Variants in TFCP2 observed in about 807,000 individuals in gnomAD.
TFCP2 encodes alpha-globin transcription factor CP2.
TFCP2 carries 33 observed loss-of-function variants against 73.4 expected under a neutral mutation model. That is an observed-to-expected ratio of 0.45 (90% confidence interval 0.34 to 0.60). The LOEUF is 0.60. Among genes scored for constraint, TFCP2 ranks in the 20% least tolerant of loss-of-function variants. The pLI, the probability that TFCP2 is intolerant of heterozygous loss-of-function variation, is 0.01. For synonymous variants in TFCP2, 193 were observed against 211.6 expected, an observed-to-expected ratio of 0.91 and a Z score of 0.76; for missense variants, 352 against 604.0, an observed-to-expected ratio of 0.58 and a Z score of 4.37.
At chr12:51,120,957 C>A (rs1940653806) in intron 1 of TFCP2, among the ~76,000 whole-genome samples, 1 of 144,678 alleles carries the variant, frequency 6.9e-6, no homozygotes. Flanking sequence ...CATGTTAAAG[C>A]AAGGTGATGA....
Position 51,106,622 on chromosome 12 carries a change from A to G in TFCP2, c.829-9T>C. 6.2e-7 allele frequency: 1 copy of G among 1,611,500 alleles called. No individual in the cohort carries two copies. The highest frequency in any genetic ancestry group is 8.5e-7 in the Non-Finnish European group (1 of 1,178,234). ...TCGGGCCATGGAGAACACTAAAAACAAAGGATAAGTTAGATAATGAACGAG... is the reference window on the plus strand; with the variant it reads ...TCGGGCCATGGAGAACACTAAAAACGAAGGATAAGTTAGATAATGAACGAG... On this transcript the variant is annotated splice_polypyrimidine_tract_variant and intron_variant, in intron 7 of 14. Transcript: ENST00000257915.
intron 1 of TFCP2, among the ~76,000 whole-genome samples, chr12:51,147,943 A>G (rs1010443516): frequency 1.3e-5 from 2 of 151,968 alleles, no homozygotes; most frequent in Admixed American, 6.6e-5. Flanking sequence ...AATCAGCTAG[A>G]AAAAAAACAA....
At chr12:51,165,861 A>C (rs549565274) in intron 1 of TFCP2, among the ~76,000 whole-genome samples, 20 of 152,038 alleles carry the variant, frequency 1.3e-4, no homozygotes, top group Non-Finnish European at 2.1e-4. Flanking sequence ...TTTATGAAAA[A>C]CTCTGAGTAG....
chr12:51,127,286 A>C (rs1217298260), intron 1 of TFCP2, among the ~76,000 whole-genome samples: 1 of 152,148 alleles, frequency 6.6e-6, no homozygotes, highest in African/African-American at 2.4e-5. Context: ...GACAGGACCG[A>C]AGTCTGAGGT....
intron 1 of TFCP2, among the ~76,000 whole-genome samples, chr12:51,158,835 A>C (rs987548205): frequency 1.3e-5 from 2 of 151,168 alleles, no homozygotes; most frequent in African/African-American, 2.4e-5. Flanking sequence ...AGAAAAAAAA[A>C]TGGAGACGGG....
chr12:51,112,265 T>C (rs1940421316), intron 4 of TFCP2, among the ~76,000 whole-genome samples: 1 of 152,208 alleles, frequency 6.6e-6, no homozygotes, highest in Admixed American at 6.6e-5. Context: ...ATCAGGGTAA[T>C]CAGCATATTC....
chr12:51,135,862 A>C (rs1441552399), intron 1 of TFCP2, among the ~76,000 whole-genome samples: 3 of 152,196 alleles, frequency 2.0e-5, no homozygotes, highest in Non-Finnish European at 2.9e-5. Context: ...ACTCATCACC[A>C]CTACTGGGGT....
At chr12:51,096,439 G>T (rs1357383435) in intron 13 of TFCP2, among the ~76,000 whole-genome samples, 2 of 152,022 alleles carry the variant, frequency 1.3e-5, no homozygotes, top group African/African-American at 4.8e-5. Flanking sequence ...TTCTCCCAGG[G>T]ATAAACTCCC....
intron 12 of TFCP2, 95 bp from the exon 13 acceptor site, chr12:51,099,013 C>G (rs902045703): frequency 2.2e-6 from 3 of 1,336,256 alleles, no homozygotes; most frequent in South Asian, 1.4e-5. Context: ...CTGAAGGACT[C>G]AGAAATCACA....
At chr12:51,108,719 C>T (rs1304127740) in intron 6 of TFCP2, among the ~76,000 whole-genome samples, 6 of 152,028 alleles carry the variant, frequency 3.9e-5, no homozygotes, top group African/African-American at 1.2e-4. Context: ...ACTATGATTG[C>T]GTCACTGCAC....
intron 1 of TFCP2, among the ~76,000 whole-genome samples, chr12:51,168,765 C>G (rs1229101568): frequency 2.6e-5 from 4 of 151,806 alleles, no homozygotes; most frequent in Non-Finnish European, 5.9e-5. Context: ...ATTACAGGCA[C>G]GAGCCACCAT....
At chr12:51,119,594 T>TTAAAAAAATTAAATTAAATTA (rs1566209115) in intron 1 of TFCP2, among the ~76,000 whole-genome samples, 2 of 151,438 alleles carry the variant, frequency 1.3e-5, no homozygotes, top group Admixed American at 6.6e-5. Flanking sequence ...CTACTAAAAA[T>TTAAAAAAATTAAATTAAATTA]ACAAACCTAG....
intron 1 of TFCP2, among the ~76,000 whole-genome samples, chr12:51,129,881 G>T (rs886394067): frequency 1.3e-5 from 2 of 151,526 alleles, no homozygotes; most frequent in African/African-American, 4.8e-5. Context: ...AGGCACAGTG[G>T]CTCACACCTA....
intron 13 of TFCP2, among the ~76,000 whole-genome samples, 195 bp downstream of exon 13, chr12:51,098,581 G>A (rs568753289): frequency 8.6e-5 from 13 of 151,986 alleles, no homozygotes; most frequent in African/African-American, 3.1e-4. Context: ...ACCTGAGATT[G>A]GGCCACTGCA....
At chr12:51,145,103 A>T (rs572135972) in intron 1 of TFCP2, among the ~76,000 whole-genome samples, 1 of 151,526 alleles carries the variant, frequency 6.6e-6, no homozygotes, top group Admixed American at 6.6e-5. Flanking sequence ...TGGGAGGCTG[A>T]GGCAGGAGAA....
chr12:51,170,698 A>G (rs2137055450), intron 1 of TFCP2, among the ~76,000 whole-genome samples: 1 of 149,220 alleles, frequency 6.7e-6, no homozygotes, highest in South Asian at 2.1e-4. Flanking sequence ...TTTTTTTTTG[A>G]GACGGAGTTT....
intron 1 of TFCP2, among the ~76,000 whole-genome samples, chr12:51,123,764 G>A (rs1940737274): frequency 6.6e-6 from 1 of 152,098 alleles, no homozygotes; most frequent in African/African-American, 2.4e-5. Context: ...TTGAAAGGAA[G>A]ACTTCTCTTT....
chr12:51,096,418 C>T (rs1407354779), intron 13 of TFCP2, among the ~76,000 whole-genome samples: 1 of 152,194 alleles, frequency 6.6e-6, no homozygotes, highest in Non-Finnish European at 1.5e-5. Context: ...ACTTTCCCTT[C>T]TCAAACTCCC....
At chr12:51,099,832 T>C (rs769104225) in intron 11 of TFCP2, 53 bp from the exon 12 acceptor site, 29 of 1,585,172 alleles carry the variant, frequency 1.8e-5, no homozygotes, top group Non-Finnish European at 2.4e-5. Context: ...GTAAGCACAA[T>C]AAAAAGAAGG....
Sources: allele counts gnomAD v4.1 joint callset (sites outside exome capture counted in the v4.1 genomes callset), GRCh38; gene constraint gnomAD v4.1.1; transcripts MANE v1.5; gene names NCBI Gene and HGNC (gene_info 2026-07-23, HGNC 2026-07-21).